The following MTPAP variants were observed in gnomAD, a reference collection of about 807,000 sequenced individuals.
MTPAP encodes mitochondrial poly(A) polymerase.
MTPAP carries 23 observed loss-of-function variants against 48.7 expected under a neutral mutation model. The observed-to-expected ratio is 0.47, with a 90% CI of 0.34 to 0.67. The LOEUF (loss-of-function observed/expected upper bound fraction) is 0.67, where lower values mean the gene tolerates loss of function less well. Among genes scored for constraint, MTPAP ranks in the 30% least tolerant of loss-of-function variants. The pLI is 0.01. For synonymous variants in MTPAP, 257 were observed against 254.1 expected (o/e 1.01, Z -0.11); for missense variants, 614 against 694.3 (o/e 0.88, Z 1.30).
intron 4 of MTPAP, 76 bp from the exon 5 acceptor site, chr10:30,326,711 T>C (rs1834601940): frequency 9.3e-7 from 1 of 1,079,998 alleles, no homozygotes; most frequent in African/African-American, 1.6e-5. Flanking sequence ...TGTAAAAGAA[T>C]GCTCTAAATC....
intron 4 of MTPAP, among the ~76,000 whole-genome samples, chr10:30,331,362 A>T (rs1297702242): frequency 6.6e-6 from 1 of 152,216 alleles, no homozygotes; most frequent in Non-Finnish European, 1.5e-5. Flanking sequence ...AGACTTAGGC[A>T]CTAATTCTTA....
intron 4 of MTPAP, among the ~76,000 whole-genome samples, chr10:30,330,952 A>G (rs1348125987): frequency 6.6e-6 from 1 of 152,222 alleles, no homozygotes; most frequent in Non-Finnish European, 1.5e-5. Context: ...CCTCAGCAAC[A>G]GATAAATAGG....
In MTPAP at chr10:30,349,008, A is replaced by G. The variant is rs1588724932; in HGVS notation, c.157+111T>C. On this transcript the variant is annotated intron_variant, in intron 1 of 8. Coordinates refer to ENST00000263063, the MANE Select transcript of MTPAP (RefSeq NM_018109.4). ...AGAGGAGAGGACAGGACACAGCCCCACCCTCTTGCCAAAGGGTCCACAGCC... is the reference window on the plus strand; with the variant it reads ...AGAGGAGAGGACAGGACACAGCCCCGCCCTCTTGCCAAAGGGTCCACAGCC... 4 of 1,499,742 alleles carry G rather than the reference A, an allele frequency of 2.7e-6. No homozygotes were observed. The East Asian group carries it at 9.1e-5, about 34-fold the overall frequency. 92.9% of individuals were successfully genotyped at this position (1,499,742 alleles called of 1,614,324 possible).
intron 4 of MTPAP, among the ~76,000 whole-genome samples, chr10:30,328,041 G>A (rs1159496396): frequency 6.6e-6 from 1 of 152,044 alleles, no homozygotes; most frequent in Non-Finnish European, 1.5e-5. Flanking sequence ...ACCACCTTAA[G>A]GCAAAGCATC....
chr10:30,325,244 TCA>T (rs775479823), intron 5 of MTPAP, among the ~76,000 whole-genome samples: 4 of 152,134 alleles, frequency 2.6e-5, no homozygotes, highest in Admixed American at 1.3e-4. Flanking sequence ...TGTCAAGAAA[TCA>T]CAGACTTTAC....
intron 2 of MTPAP, among the ~76,000 whole-genome samples, 193 bp from the exon 3 acceptor site, chr10:30,340,643 G>A (rs1834792403): frequency 6.6e-6 from 1 of 152,144 alleles, no homozygotes; most frequent in Non-Finnish European, 1.5e-5. Context: ...ACTGGGCCGG[G>A]CGCAGTGGCT....
intron 4 of MTPAP, among the ~76,000 whole-genome samples, chr10:30,329,993 G>A (rs902097125): frequency 3.3e-5 from 5 of 151,428 alleles, no homozygotes; most frequent in Admixed American, 1.3e-4. Flanking sequence ...TTTTCTATAC[G>A]CACAGGAAAA....
chr10:30,338,396 G>A (rs1345693122), intron 3 of MTPAP, among the ~76,000 whole-genome samples: 4 of 151,934 alleles, frequency 2.6e-5, no homozygotes, highest in Non-Finnish European at 4.4e-5. Context: ...AAAAGAGGCC[G>A]GGCTCGGTGG....
At chr10:30,347,505 C>T (rs1834886590) in intron 1 of MTPAP, among the ~76,000 whole-genome samples, 1 of 152,124 alleles carries the variant, frequency 6.6e-6, no homozygotes, top group Non-Finnish European at 1.5e-5. Flanking sequence ...AATATTTAGT[C>T]GTATTATTCT....
chr10:30,337,010 G>A lies in MTPAP; in HGVS notation c.573C>T (p.Asn191=). 1.2e-6 allele frequency: 2 copies of A among 1,613,048 alleles called. No homozygotes were observed. The highest frequency in any genetic ancestry group is 2.2e-5 in the East Asian group (1 of 44,886). ...CYAESIDDQL[N]TLLKEFQLTE... is the part of the protein sequence containing the mutation. The stretch of plus-strand genomic sequence containing the variant: ...TTAGCTGGAACTCCTTCAAGAGAGT[G>A]TTCAGCTGATCGTCTATCTAGCTAG... The change falls in exon 4 of 9, where the codon AAC becomes AAT. Residue 191 remains asparagine, a synonymous_variant. Coordinates refer to ENST00000263063, the MANE Select transcript of MTPAP (RefSeq NM_018109.4).
At chr10:30,326,369 T>C in intron 5 of MTPAP, 55 bp downstream of exon 5, 2 of 1,479,734 alleles carry the variant, frequency 1.4e-6, no homozygotes, top group Non-Finnish European at 1.9e-6. Context: ...TGAGAAACAC[T>C]AAGCTAATAT....
intron 6 of MTPAP, among the ~76,000 whole-genome samples, chr10:30,318,425 C>T (rs1840685683): frequency 6.6e-6 from 1 of 152,148 alleles, no homozygotes; most frequent in Admixed American, 6.5e-5. Flanking sequence ...AACCTGAGCA[C>T]ATGTTTTACT....
At chr10:30,324,650 T>TA (rs1242605690) in intron 5 of MTPAP, among the ~76,000 whole-genome samples, 1 of 152,070 alleles carries the variant, frequency 6.6e-6, no homozygotes, top group Admixed American at 6.6e-5. Flanking sequence ...ACAGATGGCA[T>TA]AAAAAAATAA....
intron 6 of MTPAP, among the ~76,000 whole-genome samples, chr10:30,319,411 A>G (rs571188803): frequency 1.3e-5 from 2 of 152,346 alleles, no homozygotes; most frequent in Admixed American, 6.5e-5. Context: ...GATTATTTGT[A>G]TATCAAATGA....
intron 1 of MTPAP, among the ~76,000 whole-genome samples, chr10:30,341,998 G>A (rs994491312): frequency 1.5e-4 from 23 of 152,104 alleles, no homozygotes; most frequent in African/African-American, 5.6e-4. Flanking sequence ...CAGAACTTTG[G>A]GAGGCTGAGG....
chr10:30,329,625 C>T (rs545431728), intron 4 of MTPAP, among the ~76,000 whole-genome samples: 1 of 152,116 alleles, frequency 6.6e-6, no homozygotes, highest in East Asian at 1.9e-4. Context: ...ATGATGCCTC[C>T]TCTACTTCTT....
rs899879125 is a variant in MTPAP, at chr10:30,326,308, A to G, written c.992+116T>C. ...TTTTCAATCCAAGTGATAAATTTTT[A>G]AAAAATTATTATTCAAGCATGTTTA... On this transcript the variant is annotated intron_variant, in intron 5 of 8. Coordinates refer to ENST00000263063, the MANE Select transcript of MTPAP (RefSeq NM_018109.4). The G allele has an allele frequency of 5.2e-6, 5 of 970,426 alleles. No individual in the cohort carries two copies. In the African/African-American group the frequency reaches 8.3e-5, roughly 16 times the overall value. 60.1% of individuals were successfully genotyped at this position (970,426 alleles called of 1,614,324 possible).
rs766465158 is a variant in MTPAP at position 30,313,598 on chromosome 10, T to C, written c.*11A>G. 20 of 1,614,168 alleles carry C rather than the reference T, an allele frequency of 1.2e-5. No individual in the cohort carries two copies. Among genetic ancestry groups the C allele is most frequent in the Middle Eastern group, 3.3e-4 (2 of 6,062 alleles). On this transcript the variant is annotated 3_prime_UTR_variant, in exon 9 of 9. Transcript: ENST00000263063. ...AGGCTAAGCCCAGTTCTTTACACAA[T>C]GTAGCAGCCATCATGTCTGAGTACT...
chr10:30,341,472 C>T lies in MTPAP; in HGVS notation c.326G>A (p.Ser109Asn). 6.2e-7 allele frequency: 1 copy of T among 1,612,894 alleles called. No homozygotes were observed. The highest frequency in any genetic ancestry group is 8.5e-7 in the Non-Finnish European group (1 of 1,179,500). Residue 109 changes from serine to asparagine, a missense_variant, in exon 2 of 9, where the codon AGC (serine) becomes AAC (asparagine). Physicochemically the swap from Ser to Asn is conservative, Grantham distance 46 (BLOSUM62 1). Around this residue, in one of 5 missense-constraint regions of MTPAP, gnomAD observed 114 missense variants for 107.9 expected, o/e 1.06. Coordinates refer to ENST00000263063, the MANE Select transcript of MTPAP (RefSeq NM_018109.4). ...GPINNHFFYE[S>N]FGLYAVVEFC... ...GATTGTTTTTCAAATACTTACAAAG[C>T]TTTCATAGAAGAAATGATTATTAAT...
Sources: gnomAD v4.1 joint callset for allele counts (sites outside exome capture counted in the v4.1 genomes callset) on GRCh38, gnomAD v4.1.1 for gene constraint, gnomAD v4.1.1 regional missense constraint, MANE v1.5 for transcripts, NCBI Gene and HGNC (gene_info 2026-07-23, HGNC 2026-07-21) for gene names.